ROBO2: variants seen among roughly 807,000 people sequenced by gnomAD.
The protein encoded by ROBO2 is roundabout homolog 2.
A neutral mutation model predicts 160.8 loss-of-function variants in ROBO2; 53 were observed. That is an observed-to-expected ratio of 0.33 (90% confidence interval 0.26 to 0.41). ROBO2 has a LOEUF of 0.41. Ranked by LOEUF, ROBO2 falls within the 10% of genes least tolerant of loss-of-function variation. The pLI is 1.00. For missense variants in ROBO2, 1,577 were observed against 1,722.4 expected (o/e 0.92, Z 1.49); for synonymous variants, 664 against 611.7 (o/e 1.09, Z -1.26).
intron 2 of ROBO2, among the ~76,000 whole-genome samples, chr3:77,252,661 AG>A (rs1250203402): frequency 6.6e-6 from 1 of 150,538 alleles, no homozygotes; most frequent in African/African-American, 2.4e-5. Context: ...CAAAAAAATT[AG>A]CTGGGCGTGG....
At chr3:76,274,191 AT>A (rs1380491348) in intron 2 of ROBO2, among the ~76,000 whole-genome samples, 2 of 152,170 alleles carry the variant, frequency 1.3e-5, no homozygotes, top group Non-Finnish European at 2.9e-5. Context: ...TTAACTATTA[AT>A]TTTATTCATG....
chr3:77,023,791 C>G (rs1057193798), intron 2 of ROBO2, among the ~76,000 whole-genome samples: 1 of 152,130 alleles, frequency 6.6e-6, no homozygotes. Flanking sequence ...AAAGTCCAGG[C>G]CTCTCATTTT....
rs2083560678 is a variant in ROBO2 at position 77,473,341 on chromosome 3, G to GTTT, written c.389-4073_389-4072insTTT. ...GGAGCCTCCGTGTTGAATAGACTTGGCTTCCAGGTATCCCTTTCTATCGGC... is the reference window on the plus strand; with the variant it reads ...GGAGCCTCCGTGTTGAATAGACTTGGTTTCTTCCAGGTATCCCTTTCTATCGGC... On this transcript the variant is annotated intron_variant, in intron 2 of 25. Coordinates refer to ENST00000461745, the Ensembl canonical transcript of ROBO2. 2.0e-5 allele frequency among the ~76,000 whole-genome samples: 3 copies of GTTT among 151,114 alleles called. No homozygotes were observed. In the Admixed American group the frequency reaches 2.0e-4, roughly 10 times the overall value.
At chr3:77,150,867 G>A (rs1031935653) in intron 2 of ROBO2, among the ~76,000 whole-genome samples, 1 of 152,052 alleles carries the variant, frequency 6.6e-6, no homozygotes, top group African/African-American at 2.4e-5. Flanking sequence ...TATAGGGAAG[G>A]AAAATTATTT....
intron 2 of ROBO2, among the ~76,000 whole-genome samples, chr3:77,152,961 A>T (rs1285263903): frequency 6.6e-6 from 1 of 152,294 alleles, no homozygotes; most frequent in East Asian, 1.9e-4. Context: ...ACAACCACTG[A>T]TCTACTCTAT....
At chr3:77,147,131 TA>T (rs752237086) in intron 2 of ROBO2, among the ~76,000 whole-genome samples, 1 of 152,246 alleles carries the variant, frequency 6.6e-6, no homozygotes, top group Non-Finnish European at 1.5e-5. Flanking sequence ...ACTTGTTTAC[TA>T]AATTATAATT....
At chr3:76,126,113 C>T (rs1477221406) in intron 2 of ROBO2, among the ~76,000 whole-genome samples, 1 of 152,144 alleles carries the variant, frequency 6.6e-6, no homozygotes, top group African/African-American at 2.4e-5. Context: ...TGCACCCAGC[C>T]TGCATCAAAA....
chr3:76,402,312 T>G (rs1488965550), intron 2 of ROBO2, among the ~76,000 whole-genome samples: 1 of 151,576 alleles, frequency 6.6e-6, no homozygotes, highest in South Asian at 2.1e-4. Flanking sequence ...TCCACACACA[T>G]AACTTGGCAA....
chr3:76,354,801 C>T (rs924189873), intron 2 of ROBO2, among the ~76,000 whole-genome samples: 1 of 151,744 alleles, frequency 6.6e-6, no homozygotes, highest in East Asian at 1.9e-4. Context: ...AAAAGAGAAG[C>T]CTCAGCACAG....
chr3:77,086,180 G>A (rs753529908), intron 1 of ROBO2, among the ~76,000 whole-genome samples: 3 of 151,958 alleles, frequency 2.0e-5, no homozygotes, highest in Non-Finnish European at 4.4e-5. Flanking sequence ...TTGTTTTTAG[G>A]GGGGTTACAG....
At chr3:77,413,348 A>G (rs796138618) in intron 2 of ROBO2, among the ~76,000 whole-genome samples, 10 of 152,294 alleles carry the variant, frequency 6.6e-5, no homozygotes, top group African/African-American at 2.4e-4. Context: ...GAGGAGTTCC[A>G]TGTGAGTGGA....
chr3:76,146,228 T>G (rs2071882438), intron 2 of ROBO2, among the ~76,000 whole-genome samples: 1 of 152,030 alleles, frequency 6.6e-6, no homozygotes, highest in Non-Finnish European at 1.5e-5. Flanking sequence ...CAAAACTGAT[T>G]GCTTTTATTT....
intron 2 of ROBO2, among the ~76,000 whole-genome samples, chr3:77,353,876 A>G (rs759550634): frequency 6.6e-6 from 1 of 151,678 alleles, no homozygotes; most frequent in Non-Finnish European, 1.5e-5. Flanking sequence ...GAAAATATTG[A>G]TGTAGATCTT....
At chr3:77,445,612 T>C (rs2080393181) in intron 2 of ROBO2, among the ~76,000 whole-genome samples, 1 of 151,992 alleles carries the variant, frequency 6.6e-6, no homozygotes. Flanking sequence ...TTCAAGGTTT[T>C]CCACAAAGTA....
chr3:76,928,828 T>C, intron 2 of ROBO2, among the ~76,000 whole-genome samples: 1 of 152,214 alleles, frequency 6.6e-6, no homozygotes, highest in Non-Finnish European at 1.5e-5. Context: ...CGTGGTTAAC[T>C]CATCTCATCT....
intron 2 of ROBO2, among the ~76,000 whole-genome samples, chr3:76,344,454 G>C (rs956230219): frequency 6.6e-6 from 1 of 152,092 alleles, no homozygotes; most frequent in African/African-American, 2.4e-5. Flanking sequence ...TTGGTCATCA[G>C]AACTCTTTGA....
exon 22 of ROBO2, chr3:77,617,657 A>T: frequency 6.2e-7 from 1 of 1,614,104 alleles, no homozygotes; most frequent in Non-Finnish European, 8.5e-7. Context: ...TCTCCTTTGG[A>T]CAGCAGTCCA....
At chr3:76,764,516 T>C (rs1449578219) in intron 2 of ROBO2, among the ~76,000 whole-genome samples, 4 of 151,762 alleles carry the variant, frequency 2.6e-5, no homozygotes, top group South Asian at 2.1e-4. Flanking sequence ...TTATACAAAC[T>C]CTTGACCATG....
At chr3:76,732,973 G>A (rs2093658567) in intron 2 of ROBO2, among the ~76,000 whole-genome samples, 2 of 138,292 alleles carry the variant, frequency 1.4e-5, no homozygotes, top group Non-Finnish European at 3.1e-5. Flanking sequence ...GCATACTGAT[G>A]ACATTTCAGT....
Sources: gnomAD v4.1 joint callset for allele counts (sites outside exome capture counted in the v4.1 genomes callset) on GRCh38, gnomAD v4.1.1 for gene constraint, MANE v1.5 for transcripts, NCBI Gene and HGNC (gene_info 2026-07-23, HGNC 2026-07-21) for gene names.